TIMM50: variants seen among roughly 807,000 people sequenced by gnomAD.
The protein encoded by TIMM50 is translocase of inner mitochondrial membrane 50.
Under a neutral mutation model 49.6 loss-of-function variants are expected in TIMM50, and 34 were observed. The ratio of observed to expected loss-of-function variants is 0.69; its 90% CI spans 0.52 to 0.91. TIMM50 has a LOEUF of 0.91. TIMM50 is among the 40% of genes least tolerant of loss of function. The probability of loss-of-function intolerance (pLI) is 0.00; values close to 1 mark genes in which losing one functional copy is unlikely to be tolerated. For missense variants in TIMM50, 458 were observed against 477.8 expected (o/e 0.96, Z 0.39); for synonymous variants, 199 against 198.4 (o/e 1.00, Z -0.03).
In TIMM50 at chr19:39,492,170, C is replaced by T. The variant is rs1019961088; in HGVS notation, c.*2350C>T. ...CAAGTTACTTTACCTCTCAGTGCCTCGGTTTCTACATTTATAAAATAATAA... is the reference window on the plus strand; with the variant it reads ...CAAGTTACTTTACCTCTCAGTGCCTTGGTTTCTACATTTATAAAATAATAA... On this transcript the variant is annotated 3_prime_UTR_variant, in exon 11 of 11. Coordinates refer to ENST00000607714, the MANE Select transcript of TIMM50 (RefSeq NM_001001563.5). 2.0e-5 allele frequency: 3 copies of T among 152,040 alleles called. No individual in the cohort carries two copies. The highest frequency in any genetic ancestry group is 4.8e-5 in the African/African-American group (2 of 41,388). The allele number at this position is 152,040 out of a possible 1,614,324, so 9.4% of individuals were successfully genotyped here.
At chr19:39,485,443 T>C (rs1568441605) in intron 4 of TIMM50, 101 bp from the exon 5 acceptor site, 3 of 1,426,356 alleles carry the variant, frequency 2.1e-6, no homozygotes, top group East Asian at 2.3e-5. Flanking sequence ...CAGGCAGATA[T>C]GCAGACCTGT....
Position 39,492,882 on chromosome 19 carries a change from A to AAAAAC in TIMM50, c.*3066_*3067insCAAAA, listed in dbSNP as rs1555752633. 5.0e-5 allele frequency: 7 copies of AAAAAC among 141,332 alleles called. No homozygotes were observed. Among genetic ancestry groups the AAAAAC allele is most frequent in the African/African-American group, 1.9e-4 (7 of 36,942 alleles). The allele number at this position is 141,332 out of a possible 1,614,324, so 8.8% of individuals were successfully genotyped here. ...TAAGGCTCTGTCTCCAAAAAAAAAA[A>AAAAAC]AAAAAAAAAACAAAAAAAAAACCAG... On this transcript the variant is annotated 3_prime_UTR_variant, in exon 11 of 11. Transcript: ENST00000607714.
At position 39,488,183 on chromosome 19, in the gene TIMM50, C is replaced by G; in HGVS notation, c.819C>G (p.Asp273Glu). The change falls in exon 9 of 11, where the codon GAC becomes GAG. Residue 273 changes from aspartate (D) to glutamate (E), a missense_variant. Physicochemically the swap from Asp to Glu is conservative, Grantham distance 45. Transcript: ENST00000607714. ...GGCCCTGGGACGGCAACTCTGATGA[C>G]CGGGTCTTGTTGGATCTGTCTGCCT... is the stretch of plus-strand genomic sequence containing the variant. ...ALRPWDGNSDDRVLLDLSAFL... is the reference protein window; with the variant it reads ...ALRPWDGNSDERVLLDLSAFL... 6.2e-7 allele frequency: 1 copy of G among 1,613,946 alleles called. No homozygotes were observed. The highest frequency in any genetic ancestry group is 8.5e-7 in the Non-Finnish European group (1 of 1,179,830).
In TIMM50 at chr19:39,481,941, G is replaced by C. The variant is rs114065046; in HGVS notation, c.167G>C (p.Gly56Ala). Reference protein sequence around the residue: ...TKAQGPQQQPGSEGPSYAKKV... With the variant: ...TKAQGPQQQPASEGPSYAKKV... ...GCGCAAGGGCCACAGCAGCAGCCGG[G>C]CTCAGAGGGTCCCAGCTATGCCAAA... is the stretch of plus-strand genomic sequence containing the variant. The change falls in exon 2 of 11, where the codon GGC becomes GCC. Residue 56 changes from glycine to alanine, a missense_variant. Transcript: ENST00000607714. 5,981 of 1,614,190 alleles carry C rather than the reference G, an allele frequency of 3.7e-3. 24 individuals carry two copies. Among genetic ancestry groups the C allele is most frequent in the Admixed American group, 5.2e-3 (311 of 60,022 alleles).
At chr19:39,485,907 G>A (rs2079502508) in intron 6 of TIMM50, 100 bp downstream of exon 6, 4 of 1,521,696 alleles carry the variant, frequency 2.6e-6, no homozygotes, top group East Asian at 2.4e-5. Context: ...ATCTTGGGGA[G>A]GAGATGTCAC....
In TIMM50 at chr19:39,480,846, A is replaced by C; in HGVS notation, c.-8A>C. The C allele has an allele frequency of 6.3e-7, 1 of 1,595,282 alleles. No individual in the cohort carries two copies. Among genetic ancestry groups the C allele is most frequent in the Non-Finnish European group, 8.5e-7 (1 of 1,171,742 alleles). The stretch of plus-strand genomic sequence containing the variant: ...CGAGTGGGCGGGGCCGCGTGGCGTC[A>C]GCGCAAGATGGCGGCCTCGGCAGCG... On this transcript the variant is annotated 5_prime_UTR_variant, in exon 1 of 11. Transcript: ENST00000607714.
At chr19:39,481,527 C>G (rs959505490) in intron 1 of TIMM50, among the ~76,000 whole-genome samples, 3 of 152,178 alleles carry the variant, frequency 2.0e-5, no homozygotes, top group Non-Finnish European at 4.4e-5. Flanking sequence ...CTGTCTGTAC[C>G]CCTTCCCCCA....
chr19:39,487,243 GATT>G (rs1376209106), intron 8 of TIMM50, among the ~76,000 whole-genome samples: 1 of 152,116 alleles, frequency 6.6e-6, no homozygotes, highest in Non-Finnish European at 1.5e-5. Context: ...AAGTCTATGT[GATT>G]AGCTCCCCAA....
In TIMM50 at chr19:39,480,843, G is replaced by T; in HGVS notation, c.-11G>T. ...GAGCGAGTGGGCGGGGCCGCGTGGC[G>T]TCAGCGCAAGATGGCGGCCTCGGCA... On this transcript the variant is annotated 5_prime_UTR_variant, in exon 1 of 11. Coordinates refer to ENST00000607714, the MANE Select transcript of TIMM50 (RefSeq NM_001001563.5). 3 of 1,594,572 alleles carry T rather than the reference G, an allele frequency of 1.9e-6. No homozygotes were observed. Among genetic ancestry groups the T allele is most frequent in the East Asian group, 4.6e-5 (2 of 43,910 alleles).
intron 8 of TIMM50, among the ~76,000 whole-genome samples, chr19:39,487,512 C>T (rs2144737072): frequency 6.6e-6 from 1 of 151,968 alleles, no homozygotes; most frequent in Middle Eastern, 3.4e-3. Flanking sequence ...GGCTGGAGTG[C>T]AGTGGCGCGA....
intron 8 of TIMM50, 106 bp downstream of exon 8, chr19:39,486,601 C>T (rs1354117020): frequency 9.7e-7 from 1 of 1,033,266 alleles, no homozygotes; most frequent in African/African-American, 1.6e-5. Flanking sequence ...TATGGTTCTG[C>T]CCAGATTCGA....
rs1210470096 is a variant in TIMM50 at position 39,492,979 on chromosome 19, G to GCC, written c.*3160_*3161dup. On this transcript the variant is annotated 3_prime_UTR_variant, in exon 11 of 11. Transcript: ENST00000607714. Reference sequence around the variant, plus strand: ...CACTATCCCAGTCTCTCCTACTCCAGCCTTCATCTAGTGCTAACTGATTAA... The same window carrying GCC: ...CACTATCCCAGTCTCTCCTACTCCAGCCCCTTCATCTAGTGCTAACTGATTAA... 6.7e-6 allele frequency: 1 copy of GCC among 148,792 alleles called. No individual in the cohort carries two copies. Among genetic ancestry groups the GCC allele is most frequent in the Non-Finnish European group, 1.5e-5 (1 of 67,756 alleles). The allele number at this position is 148,792 out of a possible 1,614,324, so 9.2% of individuals were successfully genotyped here.
Position 39,480,957 on chromosome 19 carries a change from A to T in TIMM50, c.104A>T (p.Asp35Val). 1 of 1,582,808 alleles carries T rather than the reference A, an allele frequency of 6.3e-7. No individual in the cohort carries two copies. The highest frequency in any genetic ancestry group is 8.5e-7 in the Non-Finnish European group (1 of 1,173,212). Residue 35 changes from aspartate to valine, a missense_variant, in exon 1 of 11, where the codon GAT (aspartate) becomes GTT (valine). Coordinates refer to ENST00000607714, the MANE Select transcript of TIMM50 (RefSeq NM_001001563.5). ...GCGACGCCGCCCCGCCGGGCCCCAG[A>T]TCAGGTGAGCGGAACGAGGGTGGCC... Reference protein sequence around the residue: ...RLATPPRRAPDQAAEIGSRGS... With the variant: ...RLATPPRRAPVQAAEIGSRGS...
chr19:39,488,999 C>T (rs2079526595), intron 10 of TIMM50, among the ~76,000 whole-genome samples: 1 of 150,736 alleles, frequency 6.6e-6, no homozygotes, highest in Admixed American at 6.6e-5. Context: ...GGGCACGTGG[C>T]CCAAGGCTGT....
intron 8 of TIMM50, 88 bp downstream of exon 8, chr19:39,486,583 A>C: frequency 1.6e-6 from 2 of 1,223,516 alleles, no homozygotes; most frequent in Non-Finnish European, 2.4e-6. Flanking sequence ...CCCTAGCCTC[A>C]CCTGGCTTAT....
chr19:39,482,814 A>AT (rs2079481603), intron 2 of TIMM50, 71 bp from the exon 3 acceptor site: 3 of 1,600,650 alleles, frequency 1.9e-6, no homozygotes, highest in Non-Finnish European at 2.6e-6. Flanking sequence ...CAGGCCCCTT[A>AT]TCCCACTCCT....
intron 8 of TIMM50, 44 bp from the exon 9 acceptor site, chr19:39,488,017 A>C: frequency 4.4e-6 from 7 of 1,574,798 alleles, no homozygotes; most frequent in Non-Finnish European, 6.1e-6. Flanking sequence ...TGATGGGGGG[A>C]GAGTTGGGCA....
chr19:39,483,360 C>A, intron 4 of TIMM50: 2 of 610,522 alleles, frequency 3.3e-6, no homozygotes. Flanking sequence ...AGCAGATGGT[C>A]AGAGACAGAT....
At chr19:39,486,132 G>C (rs902401137) in intron 6 of TIMM50, 55 bp from the exon 7 acceptor site, 6 of 1,546,406 alleles carry the variant, frequency 3.9e-6, no homozygotes, top group Non-Finnish European at 5.4e-6. Context: ...TGTCCTCTTG[G>C]GGACTCTGAG....
Sources: gnomAD v4.1 joint callset for allele counts (sites outside exome capture counted in the v4.1 genomes callset) on GRCh38, gnomAD v4.1.1 for gene constraint, MANE v1.5 for transcripts, NCBI Gene and HGNC (gene_info 2026-07-23, HGNC 2026-07-21) for gene names.